The following EXOC4 variants were observed in gnomAD, a reference collection of about 807,000 sequenced individuals.
EXOC4 encodes the protein exocyst complex component 4, also known as SEC8-like 1.
EXOC4 carries 71 observed loss-of-function variants against 107.2 expected under a neutral mutation model. The ratio of observed to expected loss-of-function variants is 0.66; its 90% confidence interval spans 0.55 to 0.81. The LOEUF is 0.81. EXOC4 is among the 30% of genes least tolerant of loss of function. EXOC4 has a pLI of 0.00. For synonymous variants in EXOC4, 456 were observed against 441.2 expected, an observed-to-expected ratio of 1.03 and a Z score of -0.42; for missense variants, 1,108 against 1,189.6, an observed-to-expected ratio of 0.93 and a Z score of 1.01.
chr7:133,949,883 T>A (rs1200295458), intron 14 of EXOC4, among the ~76,000 whole-genome samples: 1 of 151,964 alleles, frequency 6.6e-6, no homozygotes, highest in Non-Finnish European at 1.5e-5. Flanking sequence ...CAAACTTGAT[T>A]TTTTTTTAAC....
chr7:133,572,672 A>T (rs370453187), intron 9 of EXOC4, among the ~76,000 whole-genome samples: 9 of 152,220 alleles, frequency 5.9e-5, no homozygotes, highest in East Asian at 5.8e-4. Context: ...TCATGAAATG[A>T]TAAACTTTAG....
chr7:133,445,420 C>CT (rs1460673791), intron 7 of EXOC4, among the ~76,000 whole-genome samples: 1 of 152,152 alleles, frequency 6.6e-6, no homozygotes, highest in African/African-American at 2.4e-5. Context: ...TAAAATGACT[C>CT]TGACGGGAAA....
chr7:133,381,922 A>G (rs1249224001), intron 7 of EXOC4, among the ~76,000 whole-genome samples: 2 of 152,180 alleles, frequency 1.3e-5, no homozygotes, highest in Non-Finnish European at 2.9e-5. Flanking sequence ...ATATTAAAAA[A>G]TGCAGATTTG....
chr7:133,439,783 C>T (rs557491290), intron 7 of EXOC4, among the ~76,000 whole-genome samples: 11 of 152,078 alleles, frequency 7.2e-5, no homozygotes, highest in Non-Finnish European at 1.2e-4. Context: ...AGGAGATTAT[C>T]AGTCTCTCAG....
intron 17 of EXOC4, 119 bp downstream of exon 17, chr7:134,007,954 G>C (rs1794680743): frequency 1.1e-6 from 1 of 922,314 alleles, no homozygotes; most frequent in Non-Finnish European, 1.6e-6. Context: ...AAAGAAAGAA[G>C]CACAGATAGA....
chr7:133,507,677 G>A (rs906425442), intron 9 of EXOC4, among the ~76,000 whole-genome samples: 4 of 152,188 alleles, frequency 2.6e-5, no homozygotes, highest in African/African-American at 9.7e-5. Flanking sequence ...GAACATGACT[G>A]GAAGAATTTT....
At chr7:133,555,387 C>A (rs1800672031) in intron 9 of EXOC4, among the ~76,000 whole-genome samples, 2 of 151,700 alleles carry the variant, frequency 1.3e-5, no homozygotes, top group African/African-American at 4.8e-5. Context: ...GTTTTTATTT[C>A]TTTAATAAAA....
intron 10 of EXOC4, among the ~76,000 whole-genome samples, chr7:133,707,066 G>A (rs1363819726): frequency 5.4e-5 from 8 of 149,334 alleles, no homozygotes; most frequent in Non-Finnish European, 1.2e-4. Context: ...ACATTAAGTG[G>A]CCTTTTTTTT....
intron 12 of EXOC4, among the ~76,000 whole-genome samples, chr7:133,908,635 A>T (rs189838676): frequency 2.0e-5 from 3 of 152,306 alleles, no homozygotes; most frequent in Admixed American, 2.0e-4. Flanking sequence ...AATAGTACCT[A>T]CCACGCAGGG....
chr7:133,364,093 GC>G (rs1422928206), intron 6 of EXOC4, among the ~76,000 whole-genome samples: 1 of 151,970 alleles, frequency 6.6e-6, no homozygotes, highest in Non-Finnish European at 1.5e-5. Flanking sequence ...TGTGTTTGCA[GC>G]CTGATTTAGG....
At chr7:133,587,936 A>T (rs1037705371) in intron 9 of EXOC4, among the ~76,000 whole-genome samples, 5 of 152,094 alleles carry the variant, frequency 3.3e-5, no homozygotes, top group African/African-American at 4.8e-5. Flanking sequence ...CCCTTAGGGG[A>T]GACTATAGAC....
At chr7:134,090,017 G>A in the EXOC4 span, among the ~76,000 whole-genome samples, 89 of 152,254 alleles carry the variant, frequency 5.8e-4, no homozygotes, top group Non-Finnish European at 8.2e-4. Context: ...TGATTTTACC[G>A]ATAATTTTAA....
intron 9 of EXOC4, among the ~76,000 whole-genome samples, chr7:133,529,064 G>A (rs1800132046): frequency 6.6e-6 from 1 of 152,066 alleles, no homozygotes; most frequent in Non-Finnish European, 1.5e-5. Context: ...AATATGTTTT[G>A]CTTCCTGAGA....
intron 17 of EXOC4, among the ~76,000 whole-genome samples, chr7:134,033,419 CA>C (rs1024858267): frequency 6.6e-6 from 1 of 152,054 alleles, no homozygotes; most frequent in African/African-American, 2.4e-5. Context: ...GGAGAGGTCC[CA>C]GCCTGACAGT....
intron 9 of EXOC4, among the ~76,000 whole-genome samples, chr7:133,489,712 T>A (rs1031575024): frequency 6.6e-6 from 1 of 152,198 alleles, no homozygotes; most frequent in East Asian, 1.9e-4. Context: ...GTATGTTTAC[T>A]TGTGCTGGAT....
rs998529081 is a variant in EXOC4, at chr7:133,543,196, A to G, written c.1417+63058A>G. On this transcript the variant is annotated intron_variant, in intron 9 of 17. Coordinates refer to ENST00000253861, the MANE Select transcript of EXOC4 (RefSeq NM_021807.4). Reference sequence around the variant, plus strand: ...TTTTTTTTGATATAATCCTCACAAAATATACTTTGTGTATAAGTTGAGTGT... The same window carrying G: ...TTTTTTTTGATATAATCCTCACAAAGTATACTTTGTGTATAAGTTGAGTGT... Among the ~76,000 whole-genome samples the G allele has an allele frequency of 3.4e-4, 52 of 150,912 alleles. 2 individuals are homozygous for G. Among genetic ancestry groups the G allele is most frequent in the African/African-American group, 1.2e-3 (50 of 40,258 alleles).
chr7:133,348,754 C>A (rs957290068), intron 5 of EXOC4, among the ~76,000 whole-genome samples: 3 of 152,250 alleles, frequency 2.0e-5, no homozygotes, highest in African/African-American at 7.2e-5. Flanking sequence ...CCTGAAGTAT[C>A]TAGCTTCTTC....
intron 7 of EXOC4, among the ~76,000 whole-genome samples, chr7:133,422,902 T>C (rs146392839): frequency 3.7e-4 from 57 of 152,308 alleles, no homozygotes; most frequent in African/African-American, 1.3e-3. Context: ...ATGTTGAAAA[T>C]TGTCATTAGG....
At position 133,820,958 on chromosome 7, in the gene EXOC4, T is replaced by C. The variant is rs76807266; in HGVS notation, c.1734+3414T>C. Among the ~76,000 whole-genome samples, 724 of 152,300 alleles carry C rather than the reference T, an allele frequency of 4.8e-3. 10 individuals are homozygous for C. Among genetic ancestry groups the C allele is most frequent in the African/African-American group, 0.017 (698 of 41,562 alleles). ...ACATGTGTTCTCAGTGATTTCACTTTCTAGGCACAGGTTCCATAGGAGGGA... is the reference window on the plus strand; with the variant it reads ...ACATGTGTTCTCAGTGATTTCACTTCCTAGGCACAGGTTCCATAGGAGGGA... On this transcript the variant is annotated intron_variant, in intron 11 of 17. Coordinates refer to ENST00000253861, the MANE Select transcript of EXOC4 (RefSeq NM_021807.4).
Sources: allele counts gnomAD v4.1 joint callset (sites outside exome capture counted in the v4.1 genomes callset), GRCh38; gene constraint gnomAD v4.1.1; transcripts MANE v1.5; gene names NCBI Gene and HGNC (gene_info 2026-07-23, HGNC 2026-07-21).